FSTL4: variants seen among roughly 807,000 people sequenced by gnomAD.
FSTL4 encodes follistatin like 4, also known as follistatin-related protein 4.
A neutral mutation model predicts 78.2 loss-of-function variants in FSTL4; 28 were observed. The ratio of observed to expected loss-of-function variants is 0.36; its 90% CI spans 0.27 to 0.49. The LOEUF is 0.49. Among genes scored for constraint, FSTL4 ranks in the 20% least tolerant of loss-of-function variants. The pLI is 0.98. For missense variants in FSTL4, 922 were observed against 1,084.9 expected (o/e 0.85, Z 2.11); for synonymous variants, 422 against 440.5 (o/e 0.96, Z 0.53).
At chr5:133,741,320 A>C in the FSTL4 span, among the ~76,000 whole-genome samples, 15 of 152,228 alleles carry the variant, frequency 9.9e-5, no homozygotes, top group Non-Finnish European at 2.1e-4. Context: ...TTGCAGCTGG[A>C]GTCTGGCTGC....
At chr5:133,389,990 A>C (rs1349939186) in intron 4 of FSTL4, among the ~76,000 whole-genome samples, 1 of 152,252 alleles carries the variant, frequency 6.6e-6, no homozygotes, top group Admixed American at 6.5e-5. Context: ...CAAAGGCTCA[A>C]AGAGGCATTT....
At chr5:133,533,685 G>A (rs900948825) in intron 3 of FSTL4, among the ~76,000 whole-genome samples, 4 of 152,214 alleles carry the variant, frequency 2.6e-5, no homozygotes, top group Non-Finnish European at 4.4e-5. Context: ...CTAGTGAGGA[G>A]CGGAACAAAC....
chr5:133,785,893 G>A, the FSTL4 span, among the ~76,000 whole-genome samples: 1 of 152,202 alleles, frequency 6.6e-6, no homozygotes, highest in Non-Finnish European at 1.5e-5. Context: ...CAGGCCAGGT[G>A]AAGCTGGCAG....
At chr5:133,487,194 GAC>G (rs1005495809) in intron 3 of FSTL4, among the ~76,000 whole-genome samples, 2 of 152,188 alleles carry the variant, frequency 1.3e-5, no homozygotes, top group African/African-American at 4.8e-5. Flanking sequence ...TGGAAGGCCT[GAC>G]ACAGAGCTCC....
the FSTL4 span, among the ~76,000 whole-genome samples, chr5:133,784,647 G>A: frequency 6.6e-6 from 1 of 152,000 alleles, no homozygotes; most frequent in Non-Finnish European, 1.5e-5. Context: ...GTTGCATCCC[G>A]GCTTCCACCA....
chr5:133,332,069 C>T (rs115466891), intron 4 of FSTL4, among the ~76,000 whole-genome samples: 1 of 152,138 alleles, frequency 6.6e-6, no homozygotes, highest in East Asian at 1.9e-4. Flanking sequence ...TGTGAGAAGC[C>T]GGGGCTGCCG....
At chr5:133,760,829 C>T in the FSTL4 span, among the ~76,000 whole-genome samples, 1 of 152,200 alleles carries the variant, frequency 6.6e-6, no homozygotes, top group Non-Finnish European at 1.5e-5. Flanking sequence ...AATATTTGCT[C>T]AGCCATGGTG....
chr5:133,256,060 A>C (rs996889418), intron 6 of FSTL4, among the ~76,000 whole-genome samples: 2 of 152,110 alleles, frequency 1.3e-5, no homozygotes, highest in African/African-American at 4.8e-5. Context: ...GATATTTGCC[A>C]TTTTTCAAAT....
intron 6 of FSTL4, among the ~76,000 whole-genome samples, chr5:133,272,156 C>A (rs369402474): frequency 6.6e-6 from 1 of 152,208 alleles, no homozygotes; most frequent in South Asian, 2.1e-4. Flanking sequence ...TCAATTCCTA[C>A]AATCAGAAAG....
the FSTL4 span, among the ~76,000 whole-genome samples, chr5:133,621,183 G>C: frequency 1.3e-5 from 2 of 152,174 alleles, no homozygotes; most frequent in Non-Finnish European, 2.9e-5. Flanking sequence ...GGCGGATCAC[G>C]AGGTCAGGAG....
rs1309533965 is a variant in FSTL4 at position 133,401,119 on chromosome 5, G to C, written c.161-133C>G. 1.0e-5 allele frequency: 10 copies of C among 982,120 alleles called. No homozygotes were observed. The Admixed American group carries it at 1.1e-4, about 11-fold the overall frequency. The allele number at this position is 982,120 out of a possible 1,614,324, so 60.8% of individuals were successfully genotyped here. The stretch of plus-strand genomic sequence containing the variant: ...AAGCTACTCAAGGTGGGGCCTGGGG[G>C]CTTGGGGTCTCCTAGGGAGTCCCTG... On this transcript the variant is annotated intron_variant, in intron 3 of 15. Coordinates refer to ENST00000265342, the MANE Select transcript of FSTL4 (RefSeq NM_015082.2).
chr5:133,632,834 A>G, the FSTL4 span, among the ~76,000 whole-genome samples: 1 of 152,000 alleles, frequency 6.6e-6, no homozygotes, highest in East Asian at 1.9e-4. Flanking sequence ...CTGGAGGTAC[A>G]CGTCACCACA....
chr5:133,460,802 AGCTCTG>A (rs1757576996), intron 3 of FSTL4, among the ~76,000 whole-genome samples: 1 of 152,196 alleles, frequency 6.6e-6, no homozygotes, highest in Admixed American at 6.5e-5. Flanking sequence ...GCTTGAATTG[AGCTCTG>A]GCTCAAACGC....
intron 4 of FSTL4, among the ~76,000 whole-genome samples, chr5:133,345,366 G>A (rs372845400): frequency 3.9e-5 from 6 of 152,186 alleles, no homozygotes; most frequent in East Asian, 1.9e-4. Context: ...CTCCTATTCC[G>A]TAGGTTGCCT....
the FSTL4 span, among the ~76,000 whole-genome samples, chr5:133,758,035 G>A: frequency 1.3e-5 from 2 of 152,102 alleles, no homozygotes; most frequent in African/African-American, 2.4e-5. Context: ...CAAGGGAGTC[G>A]GCATAGGTAA....
chr5:133,773,113 T>C, the FSTL4 span, among the ~76,000 whole-genome samples: 2 of 152,264 alleles, frequency 1.3e-5, no homozygotes, highest in East Asian at 3.9e-4. Flanking sequence ...GAAAAAATTA[T>C]AACACAAACT....
chr5:133,668,373 G>A, the FSTL4 span, among the ~76,000 whole-genome samples: 1 of 152,152 alleles, frequency 6.6e-6, no homozygotes, highest in African/African-American at 2.4e-5. Flanking sequence ...GGTCAGGGGA[G>A]GGATGTAAGT....
the FSTL4 span, among the ~76,000 whole-genome samples, chr5:133,839,302 CT>C: frequency 6.6e-6 from 1 of 152,216 alleles, no homozygotes; most frequent in Non-Finnish European, 1.5e-5. Flanking sequence ...TCCACTCTAC[CT>C]TTGCTTTATT....
At chr5:133,506,839 A>C (rs753332970) in intron 3 of FSTL4, among the ~76,000 whole-genome samples, 2 of 152,236 alleles carry the variant, frequency 1.3e-5, no homozygotes, top group Non-Finnish European at 2.9e-5. Flanking sequence ...TGGAGGAATG[A>C]CTGGCTGGCT....
Sources: gnomAD v4.1 joint callset for allele counts (sites outside exome capture counted in the v4.1 genomes callset) on GRCh38, gnomAD v4.1.1 for gene constraint, MANE v1.5 for transcripts, NCBI Gene and HGNC (gene_info 2026-07-23, HGNC 2026-07-21) for gene names.